The following PDSS2 variants were observed in gnomAD, a reference collection of about 807,000 sequenced individuals.
PDSS2 encodes the protein all trans-polyprenyl-diphosphate synthase PDSS2.
PDSS2 carries 31 observed loss-of-function variants against 44.5 expected under a neutral mutation model. The observed-to-expected ratio is 0.70, with a 90% CI of 0.52 to 0.94. The LOEUF (loss-of-function observed/expected upper bound fraction) is 0.94, where lower values mean the gene tolerates loss of function less well. Ranked by LOEUF, PDSS2 falls within the 40% of genes least tolerant of loss-of-function variation. The pLI is 0.00. For missense variants in PDSS2, 452 were observed against 482.2 expected (o/e 0.94, Z 0.59); for synonymous variants, 157 against 180.3 (o/e 0.87, Z 1.03).
At chr6:107,200,937 T>A (rs1772748292) in intron 6 of PDSS2, among the ~76,000 whole-genome samples, 1 of 152,108 alleles carries the variant, frequency 6.6e-6, no homozygotes. Context: ...AGCGTTGGGA[T>A]TACAGGCATG....
intron 3 of PDSS2, among the ~76,000 whole-genome samples, chr6:107,269,342 G>C (rs1206635664): frequency 1.7e-5 from 1 of 57,854 alleles, no homozygotes; most frequent in Non-Finnish European, 3.8e-5. Context: ...TCGTGTGTCT[G>C]TGTGTGTGTG....
At chr6:107,425,432 C>T (rs1780966230) in intron 1 of PDSS2, among the ~76,000 whole-genome samples, 1 of 152,100 alleles carries the variant, frequency 6.6e-6, no homozygotes, top group Non-Finnish European at 1.5e-5. Context: ...CTGAGGTGGT[C>T]TCAGATGGAG....
chr6:107,322,312 G>A (rs1777405589), intron 2 of PDSS2, among the ~76,000 whole-genome samples: 1 of 151,710 alleles, frequency 6.6e-6, no homozygotes, highest in South Asian at 2.1e-4. Context: ...TTGAGGCCAG[G>A]AGTTTGAGCC....
chr6:107,287,734 C>G (rs1266359388), intron 2 of PDSS2, among the ~76,000 whole-genome samples: 1 of 152,182 alleles, frequency 6.6e-6, no homozygotes, highest in Non-Finnish European at 1.5e-5. Flanking sequence ...GTTGACCAGA[C>G]TGGTCTTGAA....
intron 1 of PDSS2, among the ~76,000 whole-genome samples, chr6:107,447,814 G>C (rs1178991712): frequency 6.6e-6 from 1 of 152,224 alleles, no homozygotes; most frequent in African/African-American, 2.4e-5. Flanking sequence ...CTTCCGCACT[G>C]CCCTAGCAGA....
rs1776551709 is a variant in PDSS2 at position 107,297,557 on chromosome 6, A to G, written c.432-23330T>C. On this transcript the variant is annotated intron_variant, in intron 2 of 7. Transcript: ENST00000369037. Reference sequence around the variant, plus strand: ...GTCACCATGCCCGGCTAATTTTTGTATTTTAGTAGAGACTGGGTTTCACCA... The same window carrying G: ...GTCACCATGCCCGGCTAATTTTTGTGTTTTAGTAGAGACTGGGTTTCACCA... Among the ~76,000 whole-genome samples, 5 of 151,068 alleles carry G rather than the reference A, an allele frequency of 3.3e-5. No homozygotes were observed. In the South Asian group the frequency reaches 1.0e-3, roughly 32 times the overall value.
At chr6:107,233,955 C>A (rs1358303531) in intron 4 of PDSS2, among the ~76,000 whole-genome samples, 1 of 152,086 alleles carries the variant, frequency 6.6e-6, no homozygotes, top group Non-Finnish European at 1.5e-5. Flanking sequence ...TTGCTTGAGG[C>A]TAGGAGCCCA....
At chr6:107,338,999 C>T (rs934728218) in intron 1 of PDSS2, among the ~76,000 whole-genome samples, 1 of 152,050 alleles carries the variant, frequency 6.6e-6, no homozygotes, top group Non-Finnish European at 1.5e-5. Context: ...GCTGGGATTA[C>T]AGGGGCGAAC....
chr6:107,269,312 T>C (rs1392759435), intron 3 of PDSS2, among the ~76,000 whole-genome samples: 2 of 150,370 alleles, frequency 1.3e-5, no homozygotes, highest in South Asian at 2.1e-4. Context: ...GTGCAAAATC[T>C]AGGCCTTCTC....
intron 2 of PDSS2, among the ~76,000 whole-genome samples, chr6:107,331,449 C>T (rs775504734): frequency 2.0e-5 from 3 of 152,098 alleles, no homozygotes; most frequent in African/African-American, 4.8e-5. Flanking sequence ...ATGTTCACAA[C>T]GTACCCCTAC....
intron 2 of PDSS2, among the ~76,000 whole-genome samples, chr6:107,279,841 G>A (rs1246517698): frequency 6.6e-6 from 1 of 152,040 alleles, no homozygotes; most frequent in Non-Finnish European, 1.5e-5. Context: ...AAGTAACTCT[G>A]GATCATATTT....
At chr6:107,305,576 AG>A (rs1776832582) in intron 2 of PDSS2, among the ~76,000 whole-genome samples, 2 of 152,212 alleles carry the variant, frequency 1.3e-5, no homozygotes, top group South Asian at 4.1e-4. Context: ...GTTATTTCAT[AG>A]GACTGTTGTA....
intron 1 of PDSS2, among the ~76,000 whole-genome samples, chr6:107,446,819 T>C (rs1362539276): frequency 6.6e-6 from 1 of 151,352 alleles, no homozygotes; most frequent in African/African-American, 2.4e-5. Flanking sequence ...TTCCCTCCCA[T>C]GACACATGGG....
chr6:107,304,717 TA>T (rs995452227), intron 2 of PDSS2, among the ~76,000 whole-genome samples: 6 of 152,246 alleles, frequency 3.9e-5, no homozygotes, highest in African/African-American at 1.4e-4. Flanking sequence ...TTACTGATTT[TA>T]AACCAACTCA....
chr6:107,454,807 C>CA (rs111588265), intron 1 of PDSS2, among the ~76,000 whole-genome samples: 5 of 151,560 alleles, frequency 3.3e-5, no homozygotes, highest in South Asian at 2.1e-4. Flanking sequence ...AATAAAAAAA[C>CA]AAAAAAAATA....
intron 1 of PDSS2, among the ~76,000 whole-genome samples, chr6:107,368,624 C>T (rs916867118): frequency 2.6e-5 from 4 of 151,838 alleles, no homozygotes; most frequent in Admixed American, 6.6e-5. Flanking sequence ...GAGGGCAAGG[C>T]GGGAGGATTG....
intron 1 of PDSS2, among the ~76,000 whole-genome samples, chr6:107,435,281 AACACACACACACACAC>A (rs57353175): frequency 0.042 from 5,614 of 133,758 alleles, 410 homozygotes; most frequent in African/African-American, 0.15. Flanking sequence ...ACTGCCTCAA[AACACACACACACACAC>A]ACACACACAC....
chr6:107,184,263 C>T (rs188859121), intron 7 of PDSS2, among the ~76,000 whole-genome samples: 3 of 152,022 alleles, frequency 2.0e-5, no homozygotes, highest in Admixed American at 1.3e-4. Flanking sequence ...GAACTAGCAG[C>T]AAAAATTGAC....
At chr6:107,312,588 T>C (rs1777078097) in intron 2 of PDSS2, among the ~76,000 whole-genome samples, 1 of 152,184 alleles carries the variant, frequency 6.6e-6, no homozygotes, top group Non-Finnish European at 1.5e-5. Context: ...GATGATTCAG[T>C]GAGCTGACAC....
Sources: gnomAD v4.1 joint callset for allele counts (sites outside exome capture counted in the v4.1 genomes callset) on GRCh38, gnomAD v4.1.1 for gene constraint, MANE v1.5 for transcripts, NCBI Gene and HGNC (gene_info 2026-07-23, HGNC 2026-07-21) for gene names.